Variants in INVS observed in about 807,000 individuals in gnomAD.
INVS encodes the protein inversion of embryo turning homolog.
In INVS, 86 loss-of-function variants were observed where a neutral mutation model predicts 108.8. That is an observed-to-expected ratio of 0.79 (90% CI 0.66 to 0.95). INVS has a LOEUF of 0.95. INVS is among the 40% of genes least tolerant of loss of function. The probability of loss-of-function intolerance (pLI) is 0.00; values close to 1 mark genes in which losing one functional copy is unlikely to be tolerated. For missense variants in INVS, 1,169 were observed against 1,297.4 expected, an observed-to-expected ratio of 0.90 and a Z score of 1.52; for synonymous variants, 455 against 473.5, an observed-to-expected ratio of 0.96 and a Z score of 0.51.
At chr9:100,267,288 C>T (rs1282280117) in intron 11 of INVS, among the ~76,000 whole-genome samples, 2 of 152,140 alleles carry the variant, frequency 1.3e-5, no homozygotes, top group Non-Finnish European at 2.9e-5. Flanking sequence ...AGGAAAAATC[C>T]TCCTAACTTT....
chr9:100,286,498 G>T (rs776059782), intron 13 of INVS, among the ~76,000 whole-genome samples: 2 of 152,134 alleles, frequency 1.3e-5, no homozygotes, highest in African/African-American at 2.4e-5. Flanking sequence ...CCGAGATTGC[G>T]TCACTGCACT....
intron 8 of INVS, among the ~76,000 whole-genome samples, chr9:100,250,139 A>G (rs982943048): frequency 2.6e-5 from 4 of 152,078 alleles, no homozygotes; most frequent in Non-Finnish European, 5.9e-5. Flanking sequence ...GAATTTAGCT[A>G]TTGTTACTCC....
At chr9:100,118,848 A>T (rs1827635985) in intron 2 of INVS, among the ~76,000 whole-genome samples, 1 of 152,024 alleles carries the variant, frequency 6.6e-6, no homozygotes, top group African/African-American at 2.4e-5. Flanking sequence ...TTTAGTAGAG[A>T]TGGGGTTTCA....
At chr9:100,175,128 T>C in intron 3 of INVS, 1 of 326,732 alleles carries the variant, frequency 3.1e-6, no homozygotes, top group South Asian at 3.4e-5. Flanking sequence ...GCCTTAGCCT[T>C]TTTTACAGTC....
chr9:100,114,980 T>G (rs1262955113), intron 2 of INVS, among the ~76,000 whole-genome samples: 1 of 152,216 alleles, frequency 6.6e-6, no homozygotes, highest in East Asian at 1.9e-4. Context: ...TGAAAAATTA[T>G]TAGGCCATAA....
chr9:100,134,609 GT>G (rs910190215), intron 3 of INVS, among the ~76,000 whole-genome samples: 1 of 151,680 alleles, frequency 6.6e-6, no homozygotes, highest in Non-Finnish European at 1.5e-5. Context: ...AACATCTACT[GT>G]TTTTTTATTC....
At position 100,246,733 on chromosome 9, in the gene INVS, C is replaced by T. The variant is rs761575712; in HGVS notation, c.1024C>T (p.Leu342=). ...KGSDDVLRTM[L]SLKSDIDINM... ...CAGTGATGATGTCCTTAGAACTATG[C>T]TGAGCTTAAAATCGGACATAGATAT... Residue 342 remains leucine, a synonymous_variant, in exon 8 of 17, where the codon CTG becomes TTG. Coordinates refer to ENST00000262457, the MANE Select transcript of INVS (RefSeq NM_014425.5). 7.4e-6 allele frequency: 12 copies of T among 1,613,896 alleles called. No homozygotes were observed. The African/African-American group carries it at 8.0e-5, about 11-fold the overall frequency.
intron 3 of INVS, among the ~76,000 whole-genome samples, chr9:100,221,944 GTA>G (rs1242385985): frequency 6.6e-6 from 1 of 152,122 alleles, no homozygotes; most frequent in Non-Finnish European, 1.5e-5. Flanking sequence ...GAAAAAAATA[GTA>G]TATATAGAGG....
At chr9:100,099,892 T>G (rs1473926262) in intron 1 of INVS, among the ~76,000 whole-genome samples, 1 of 152,172 alleles carries the variant, frequency 6.6e-6, no homozygotes, top group Non-Finnish European at 1.5e-5. Flanking sequence ...TGTGCTTTTG[T>G]GGTTCTCCCT....
intron 3 of INVS, chr9:100,131,740 C>T (rs755601651): frequency 5.9e-6 from 1 of 169,390 alleles, no homozygotes; most frequent in Non-Finnish European, 1.2e-5. Context: ...CTTAAGACTA[C>T]CCACTTTGAC....
intron 12 of INVS, among the ~76,000 whole-genome samples, chr9:100,273,558 A>C (rs1159704447): frequency 2.3e-5 from 2 of 85,474 alleles, no homozygotes; most frequent in African/African-American, 9.8e-5. Flanking sequence ...TTTTTTTCTG[A>C]GATGGAGTCT....
At chr9:100,192,933 GT>G (rs1830266789) in intron 3 of INVS, among the ~76,000 whole-genome samples, 1 of 147,802 alleles carries the variant, frequency 6.8e-6, no homozygotes. Context: ...ACTAACCAAA[GT>G]TTTTAAATAA....
chr9:100,283,040 G>A (rs978883206), intron 12 of INVS, among the ~76,000 whole-genome samples: 9 of 152,218 alleles, frequency 5.9e-5, no homozygotes, highest in African/African-American at 2.2e-4. Flanking sequence ...CGGGCGCGGT[G>A]GCTCACGCCT....
At chr9:100,270,803 T>G (rs1241758260) in intron 11 of INVS, among the ~76,000 whole-genome samples, 1 of 146,454 alleles carries the variant, frequency 6.8e-6, no homozygotes, top group Non-Finnish European at 1.5e-5. Context: ...ATGCCCGTGG[T>G]CCCAGCTATT....
chr9:100,123,207 C>G (rs1370935519), intron 2 of INVS, among the ~76,000 whole-genome samples: 1 of 152,188 alleles, frequency 6.6e-6, no homozygotes, highest in African/African-American at 2.4e-5. Flanking sequence ...TATTAGAACA[C>G]TTTCATTATC....
chr9:100,230,883 T>G (rs886685998), intron 5 of INVS, among the ~76,000 whole-genome samples: 6 of 152,232 alleles, frequency 3.9e-5, no homozygotes, highest in Admixed American at 2.6e-4. Flanking sequence ...TATATAGGAT[T>G]CCATCTTACG....
intron 3 of INVS, among the ~76,000 whole-genome samples, chr9:100,172,308 A>G (rs1008708497): frequency 1.2e-4 from 18 of 152,188 alleles, no homozygotes; most frequent in Non-Finnish European, 2.1e-4. Context: ...TTATCTTTAT[A>G]TCTTCCTACA....
At chr9:100,144,966 TACA>T (rs1347398394) in intron 3 of INVS, among the ~76,000 whole-genome samples, 1 of 152,138 alleles carries the variant, frequency 6.6e-6, no homozygotes, top group Non-Finnish European at 1.5e-5. Flanking sequence ...TTGCCTATTT[TACA>T]ACAAGAATTA....
chr9:100,190,464 T>C (rs1024501486), intron 3 of INVS, among the ~76,000 whole-genome samples: 3 of 152,196 alleles, frequency 2.0e-5, no homozygotes, highest in African/African-American at 7.2e-5. Context: ...AGGCTCTGAG[T>C]TTTATGCTTT....
Sources: allele counts gnomAD v4.1 joint callset (sites outside exome capture counted in the v4.1 genomes callset), GRCh38; gene constraint gnomAD v4.1.1; transcripts MANE v1.5; gene names NCBI Gene and HGNC (gene_info 2026-07-23, HGNC 2026-07-21).